The following ADAMTSL1 variants were observed in gnomAD, a reference collection of about 807,000 sequenced individuals.
ADAMTSL1 encodes the protein ADAMTS like 1, also known as ADAMTS-like protein 1.
A neutral mutation model predicts 201.8 loss-of-function variants in ADAMTSL1; 126 were observed. That is an observed-to-expected ratio of 0.62 (90% CI 0.54 to 0.72). The LOEUF is 0.72. Ranked by LOEUF, ADAMTSL1 falls within the 30% of genes least tolerant of loss-of-function variation. The pLI is 0.00. For synonymous variants in ADAMTSL1, 1,121 were observed against 903.4 expected, an observed-to-expected ratio of 1.24 and a Z score of -4.32; for missense variants, 2,679 against 2,277.8, an observed-to-expected ratio of 1.18 and a Z score of -3.59.
rs543356276 is a variant in ADAMTSL1 at position 18,483,149 on chromosome 9, T to G, written c.63+8854T>G. On this transcript the variant is annotated intron_variant, in intron 1 of 28. Coordinates refer to ENST00000380548, the MANE Select transcript of ADAMTSL1 (RefSeq NM_001040272.6). ...TTTGTTTTATTTTGTCCTGAATATC[T>G]TTGTATCTCTAGCACCAGACAAAGA... Among the ~76,000 whole-genome samples, 8 of 152,336 alleles carry G rather than the reference T, an allele frequency of 5.3e-5. 1 individual carries two copies. The South Asian group carries it at 1.7e-3, about 32-fold the overall frequency.
At chr9:18,549,843 G>A (rs1301438837) in intron 3 of ADAMTSL1, among the ~76,000 whole-genome samples, 2 of 151,926 alleles carry the variant, frequency 1.3e-5, no homozygotes, top group East Asian at 1.9e-4. Flanking sequence ...AGTAATCTGG[G>A]GTCCAGCAGC....
At chr9:18,760,105 T>G (rs892477914) in intron 16 of ADAMTSL1, among the ~76,000 whole-genome samples, 1 of 152,272 alleles carries the variant, frequency 6.6e-6, no homozygotes. Flanking sequence ...CTTCCCCCAT[T>G]AACCTGGTCT....
chr9:18,473,849 A>C, upstream of ADAMTSL1: 1 of 249,422 alleles, frequency 4.0e-6, no homozygotes, highest in Non-Finnish European at 7.8e-6. Flanking sequence ...GTCCATGGGA[A>C]GCACAGTGCT....
At chr9:18,015,721 C>G (rs1435939098) in intron 1 of ADAMTSL1, among the ~76,000 whole-genome samples, 1 of 151,960 alleles carries the variant, frequency 6.6e-6, no homozygotes, top group Admixed American at 6.6e-5. Flanking sequence ...AAGCTTCTTC[C>G]CACAAGACCA....
intron 2 of ADAMTSL1, among the ~76,000 whole-genome samples, chr9:18,298,639 A>C (rs1401882648): frequency 1.3e-5 from 2 of 151,670 alleles, no homozygotes; most frequent in African/African-American, 4.9e-5. Context: ...TTACCCTATA[A>C]AGCAAGCACT....
intron 4 of ADAMTSL1, among the ~76,000 whole-genome samples, chr9:18,601,354 C>G (rs760826101): frequency 6.6e-6 from 1 of 152,218 alleles, no homozygotes; most frequent in Non-Finnish European, 1.5e-5. Flanking sequence ...GGCCAGGCCT[C>G]AAGAAGCACA....
At chr9:17,967,547 C>T (rs541193740) in intron 1 of ADAMTSL1, among the ~76,000 whole-genome samples, 61 of 152,200 alleles carry the variant, frequency 4.0e-4, no homozygotes, top group African/African-American at 1.5e-3. Context: ...AATACCATTA[C>T]ACCAACCATA....
chr9:18,616,655 C>G (rs1484760199), intron 4 of ADAMTSL1, among the ~76,000 whole-genome samples: 1 of 152,094 alleles, frequency 6.6e-6, no homozygotes, highest in Admixed American at 6.6e-5. Flanking sequence ...CTAGGAAGCT[C>G]AAATCCAGAT....
rs1036006488 is a variant in ADAMTSL1 at position 18,091,063 on chromosome 9, A to G, written c.88-72799A>G. Among the ~76,000 whole-genome samples, 585 of 115,176 alleles carry G rather than the reference A, an allele frequency of 5.1e-3. 4 individuals carry two copies. Among genetic ancestry groups the G allele is most frequent in the Non-Finnish European group, 7.8e-3 (444 of 56,756 alleles). 75.6% of individuals were successfully genotyped at this position (115,176 alleles called of 152,430 possible). A position where few individuals can be genotyped will look rare whatever the true frequency, so the allele number is the denominator to read the frequency against. ...AGTTAAATAAGTAGTGTGTGTGTGT[A>G]TATGCATGTGTGTGTGTGTGTGTGT... On this transcript the variant is annotated intron_variant, in intron 1 of 29. Coordinates refer to the ADAMTSL1 transcript ENST00000680146.
At position 18,892,846 on chromosome 9, in the gene ADAMTSL1, A is replaced by C. The variant is rs529660037; in HGVS notation, c.4851+250A>C. ...GGCAGTCAGCAACTCAAAACATCTTATAATTGGCCATCTATACATTATTAC... is the reference window on the plus strand; with the variant it reads ...GGCAGTCAGCAACTCAAAACATCTTCTAATTGGCCATCTATACATTATTAC... On this transcript the variant is annotated intron_variant, in intron 26 of 28. Coordinates refer to ENST00000380548, the MANE Select transcript of ADAMTSL1 (RefSeq NM_001040272.6). Among the ~76,000 whole-genome samples, 3 of 152,274 alleles carry C rather than the reference A, an allele frequency of 2.0e-5. No homozygotes were observed. In the South Asian group the frequency reaches 6.2e-4, roughly 32 times the overall value.
intron 2 of ADAMTSL1, among the ~76,000 whole-genome samples, chr9:18,505,701 G>T (rs1187671632): frequency 1.3e-5 from 2 of 152,178 alleles, no homozygotes; most frequent in East Asian, 1.9e-4. Context: ...TTTAATGAAA[G>T]ATTTTATTTG....
At position 18,865,194 on chromosome 9, in the gene ADAMTSL1, C is replaced by A. The variant is rs569054764; in HGVS notation, c.4250-22637C>A. On this transcript the variant is annotated intron_variant, in intron 23 of 28. Transcript: ENST00000380548. ...TCCTAATGCTATCCCTCCCCGCTCC[C>A]CCCACCCCACAATAGGCCCCGGTGT... 4.6e-5 allele frequency among the ~76,000 whole-genome samples: 7 copies of A among 152,230 alleles called. No individual in the cohort carries two copies. In the South Asian group the frequency reaches 1.5e-3, roughly 32 times the overall value.
At chr9:18,140,341 A>C (rs1038364217) in intron 1 of ADAMTSL1, among the ~76,000 whole-genome samples, 1 of 152,162 alleles carries the variant, frequency 6.6e-6, no homozygotes, top group Non-Finnish European at 1.5e-5. Context: ...AGTCATACTC[A>C]TGGCTATGAT....
At chr9:18,770,847 T>C (rs1355912673) in intron 17 of ADAMTSL1, 66 bp downstream of exon 17, 13 of 1,507,716 alleles carry the variant, frequency 8.6e-6, no homozygotes, top group Admixed American at 4.0e-5. Context: ...CCCAGACATA[T>C]ACATAGAAAA....
chr9:18,036,714 G>C (rs1014322761), intron 1 of ADAMTSL1, among the ~76,000 whole-genome samples: 2 of 152,158 alleles, frequency 1.3e-5, no homozygotes, highest in Admixed American at 1.3e-4. Context: ...GACCTACATT[G>C]ATATGGGTTT....
chr9:18,532,657 A>G (rs1000041387), intron 2 of ADAMTSL1, among the ~76,000 whole-genome samples: 4 of 151,962 alleles, frequency 2.6e-5, no homozygotes, highest in Non-Finnish European at 5.9e-5. Flanking sequence ...GGAAAGGACT[A>G]AATAAATCAA....
At chr9:18,669,626 T>C (rs528664499) in intron 9 of ADAMTSL1, among the ~76,000 whole-genome samples, 1 of 152,314 alleles carries the variant, frequency 6.6e-6, no homozygotes, top group African/African-American at 2.4e-5. Flanking sequence ...AGGGAAACTC[T>C]CTGTGTTTTA....
intron 1 of ADAMTSL1, among the ~76,000 whole-genome samples, chr9:18,475,582 G>A (rs1311232168): frequency 2.0e-5 from 3 of 152,084 alleles, no homozygotes; most frequent in Non-Finnish European, 4.4e-5. Flanking sequence ...TACATTTCAA[G>A]CATGAATGAA....
At chr9:18,828,695 A>AT (rs59734310) in intron 22 of ADAMTSL1, among the ~76,000 whole-genome samples, 2 of 40,262 alleles carry the variant, frequency 5.0e-5, no homozygotes, top group Non-Finnish European at 1.0e-4. Context: ...TATATATATA[A>AT]AATGTGTGTG....
Sources: gnomAD v4.1 joint callset for allele counts (sites outside exome capture counted in the v4.1 genomes callset) on GRCh38, gnomAD v4.1.1 for gene constraint, MANE v1.5 for transcripts, NCBI Gene and HGNC (gene_info 2026-07-23, HGNC 2026-07-21) for gene names.